Variants in RBM41 observed in about 807,000 individuals in gnomAD.
RBM41 encodes the protein RNA-binding protein 41.
A neutral mutation model predicts 30.8 loss-of-function variants in RBM41; 14 were observed. The observed-to-expected ratio is 0.45, with a 90% CI of 0.30 to 0.71. The LOEUF is 0.71. RBM41 is among the 30% of genes least tolerant of loss of function. The pLI, the probability that RBM41 is intolerant of heterozygous loss-of-function variation, is 0.08. For missense variants in RBM41, 276 were observed against 326.3 expected, an observed-to-expected ratio of 0.85 and a Z score of 1.19; for synonymous variants, 120 against 110.1, an observed-to-expected ratio of 1.09 and a Z score of -0.56.
intron 4 of RBM41, among the ~76,000 whole-genome samples, chrX:107,113,854 T>C (rs1159033731): frequency 1.8e-5 from 2 of 111,691 alleles, no homozygotes; most frequent in African/African-American, 6.5e-5. Context: ...CTCTAACAAA[T>C]CATTCATCCA....
chrX:107,095,149 C>CAAAAAA (rs59436196), intron 5 of RBM41, among the ~76,000 whole-genome samples: 6 of 51,103 alleles, frequency 1.2e-4, no homozygotes, highest in African/African-American at 3.6e-4. Context: ...TATAAGGAGG[C>CAAAAAA]AAAAAAAAAA....
rs1414847369 is a variant in RBM41 at position 107,066,069 on chromosome X, T to C, written c.*1458A>G. 8.9e-6 allele frequency among the ~76,000 whole-genome samples: 1 copy of C among 112,023 alleles called. No homozygotes were observed. Among genetic ancestry groups the C allele is most frequent in the East Asian group, 2.8e-4 (1 of 3,620 alleles). On this transcript the variant is annotated 3_prime_UTR_variant, in exon 8 of 8. Coordinates refer to ENST00000685964, the MANE Select transcript of RBM41 (RefSeq NM_001324242.2). ...GAGATGTTTTATTTCACGTTCATTT[T>C]TGAAAAATAGTTTTATTGTATATAG...
intron 3 of RBM41, 115 bp from the exon 4 acceptor site, chrX:107,115,671 T>C (rs1233182554): frequency 1.1e-6 from 1 of 874,076 alleles, no homozygotes; most frequent in Non-Finnish European, 1.6e-6. Flanking sequence ...TTACAGAAAG[T>C]GTTAGCTAAG....
chrX:107,086,098 C>T (rs1922015775), intron 6 of RBM41, among the ~76,000 whole-genome samples: 2 of 111,832 alleles, frequency 1.8e-5, no homozygotes, highest in South Asian at 7.5e-4. Flanking sequence ...ACATGCATAA[C>T]CTCACTGGAA....
chrX:107,066,364 TC>T lies in RBM41; in HGVS notation c.*1162del, dbSNP rs745453982. ...ATCGGGGGTATTTATAGCCATTATT[TC>T]TTAGAATATTTTTCTGCTCCTTCAT... is the stretch of plus-strand genomic sequence containing the variant. On this transcript the variant is annotated 3_prime_UTR_variant, in exon 8 of 8. Coordinates refer to ENST00000685964, the MANE Select transcript of RBM41 (RefSeq NM_001324242.2). 2.7e-5 allele frequency: 3 copies of T among 112,013 alleles called. No homozygotes were observed. The East Asian group carries it at 8.3e-4, about 31-fold the overall frequency. 9.2% of individuals were successfully genotyped at this position (112,013 alleles called of 1,213,427 possible).
chrX:107,117,342 T>C (rs1199625217), intron 1 of RBM41, among the ~76,000 whole-genome samples: 1 of 112,105 alleles, frequency 8.9e-6, no homozygotes, highest in Non-Finnish European at 1.9e-5. Context: ...AATGTGGTTA[T>C]AATATGCCAT....
At chrX:107,113,304 T>C (rs1924644896) in intron 5 of RBM41, 93 bp downstream of exon 5, 1 of 919,900 alleles carries the variant, frequency 1.1e-6, no homozygotes, top group African/African-American at 2.0e-5. Context: ...CTATAAACAT[T>C]GTCATATACT....
In RBM41 at chrX:107,069,353, A is replaced by G. The variant is rs756324972; in HGVS notation, c.1049T>C (p.Val350Ala). Residue 350 changes from valine (V) to alanine (A), a missense_variant, in exon 7 of 8, where the codon GTG (valine) becomes GCG (alanine). Coordinates refer to ENST00000685964, the MANE Select transcript of RBM41 (RefSeq NM_001324242.2). ...CTCCTGGAACCGAGCGAACAATGAC[A>G]CAAGATCTCTTTCAGTCACCCGAGG... ...LSPRVTERDL[V>A]SLFARFQEKK... is the part of the protein sequence containing the mutation. The G allele has an allele frequency of 2.5e-6, 3 of 1,208,781 alleles. No individual in the cohort carries two copies. In the East Asian group the frequency reaches 8.9e-5, roughly 36 times the overall value.
chrX:107,069,624 T>G, intron 6 of RBM41: 1 of 280,304 alleles, frequency 3.6e-6, no homozygotes, highest in Non-Finnish European at 6.1e-6. Flanking sequence ...CTGGCTAATT[T>G]TTGTATTTTT....
chrX:107,067,867 A>AT (rs1935903974), intron 7 of RBM41, among the ~76,000 whole-genome samples, 174 bp from the exon 8 acceptor site: 1 of 111,886 alleles, frequency 8.9e-6, no homozygotes, highest in Admixed American at 9.5e-5. Context: ...GCAAAATTAA[A>AT]TTAATGGCAA....
intron 6 of RBM41, among the ~76,000 whole-genome samples, chrX:107,085,106 G>C (rs1921898325): frequency 1.8e-5 from 2 of 111,134 alleles, no homozygotes; most frequent in Admixed American, 1.9e-4. Flanking sequence ...GTTTCTCTAG[G>C]ATAGATAATG....
Position 107,065,023 on chromosome X carries a change from C to CT in RBM41, c.*2503dup, listed in dbSNP as rs1312202399. ...CCTTTTATCATTGTAACATTTTACT[C>CT]TTTATCTCCAGTAACATTTTTTTAA... On this transcript the variant is annotated 3_prime_UTR_variant, in exon 8 of 8. Transcript: ENST00000685964. 4 of 111,629 alleles carry CT rather than the reference C, an allele frequency of 3.6e-5. No homozygotes were observed. Among genetic ancestry groups the CT allele is most frequent in the African/African-American group, 1.3e-4 (4 of 30,749 alleles). The allele number at this position is 111,629 out of a possible 1,213,427, so 9.2% of individuals were successfully genotyped here. A position where few individuals can be genotyped will look rare whatever the true frequency, so the allele number is the denominator to read the frequency against.
downstream of RBM41, among the ~76,000 whole-genome samples, chrX:107,061,811 G>T (rs1315695544): frequency 2.7e-5 from 3 of 111,492 alleles, no homozygotes; most frequent in Non-Finnish European, 5.6e-5. Flanking sequence ...TAGCAAAGTG[G>T]CTTTAAGTTT....
intron 6 of RBM41, 110 bp downstream of exon 6, chrX:107,088,326 C>T (rs1448244922): frequency 1.6e-5 from 12 of 743,234 alleles, no homozygotes; most frequent in Admixed American, 5.8e-5. Flanking sequence ...ATCACTGTGC[C>T]TATATCATGA....
At chrX:107,099,267 T>C (rs1923242451) in intron 5 of RBM41, among the ~76,000 whole-genome samples, 1 of 111,788 alleles carries the variant, frequency 8.9e-6, no homozygotes, top group African/African-American at 3.3e-5. Context: ...ATTCAGGATG[T>C]ATAACCTCAA....
At chrX:107,093,433 G>C (rs1245292651) in intron 5 of RBM41, among the ~76,000 whole-genome samples, 1 of 111,975 alleles carries the variant, frequency 8.9e-6, no homozygotes, top group Non-Finnish European at 1.9e-5. Context: ...ATCCACTACT[G>C]TAAGAAACGG....
chrX:107,099,807 C>T (rs949793945), intron 5 of RBM41, among the ~76,000 whole-genome samples: 7 of 110,471 alleles, frequency 6.3e-5, no homozygotes, highest in African/African-American at 1.7e-4. Context: ...AATTGTATTC[C>T]GGATTTATAA....
Position 107,067,241 on chromosome X carries a change from A to G in RBM41, c.*286T>C. 6.1e-6 allele frequency: 5 copies of G among 825,459 alleles called. No homozygotes were observed. Among genetic ancestry groups the G allele is most frequent in the Non-Finnish European group, 5.8e-6 (4 of 683,849 alleles). The allele number at this position is 825,459 out of a possible 1,213,427, so 68.0% of individuals were successfully genotyped here. A position where few individuals can be genotyped will look rare whatever the true frequency, so the allele number is the denominator to read the frequency against. On this transcript the variant is annotated 3_prime_UTR_variant, in exon 8 of 8. Transcript: ENST00000685964. ...TGAGGACCCCAGAAAAATTATAAAG[A>G]TTTTTAAAAATCCTTAGGAATAATC...
At chrX:107,068,409 G>A (rs1935921343) in intron 7 of RBM41, among the ~76,000 whole-genome samples, 1 of 111,503 alleles carries the variant, frequency 9.0e-6, no homozygotes, top group Non-Finnish European at 1.9e-5. Context: ...TAAAGTACTT[G>A]CTTTAAAAAG....
Sources: gnomAD v4.1 joint callset for allele counts (sites outside exome capture counted in the v4.1 genomes callset) on GRCh38, gnomAD v4.1.1 for gene constraint, MANE v1.5 for transcripts, NCBI Gene and HGNC (gene_info 2026-07-23, HGNC 2026-07-21) for gene names.